Variants in DNAH14 observed in about 807,000 individuals in gnomAD.
DNAH14 encodes axonemal beta dynein heavy chain 14.
DNAH14 carries 478 observed loss-of-function variants against 520.9 expected under a neutral mutation model. The ratio of observed to expected loss-of-function variants is 0.92; its 90% CI spans 0.85 to 0.99. The LOEUF is 0.99. Ranked by LOEUF, DNAH14 falls within the 50% of genes least tolerant of loss-of-function variation. The pLI is 0.00. For missense variants in DNAH14, 4,831 were observed against 5,234.5 expected (o/e 0.92, Z 2.38); for synonymous variants, 1,581 against 1,757.2 (o/e 0.90, Z 2.51).
At chr1:224,938,451 GCTAA>G (rs200211714) in intron 1 of DNAH14, among the ~76,000 whole-genome samples, 14,512 of 152,058 alleles carry the variant, frequency 0.095, 2,215 homozygotes, top group African/African-American at 0.33. Context: ...GTTTGACATT[GCTAA>G]TAATCAAATA....
intron 60 of DNAH14, among the ~76,000 whole-genome samples, chr1:225,314,127 T>C (rs2094422612): frequency 6.6e-6 from 1 of 152,234 alleles, no homozygotes; most frequent in Non-Finnish European, 1.5e-5. Context: ...TGCTCCTGTA[T>C]TGGGTGCATA....
rs1056442461 is a variant in DNAH14, at chr1:225,147,259, G to A, written c.4940+10G>A. Reference sequence around the variant, plus strand: ...ACAACTATTCTGCCAGGTATTTGTCGAATGTGTTTATACCTTTTGAATTGA... The same window carrying A: ...ACAACTATTCTGCCAGGTATTTGTCAAATGTGTTTATACCTTTTGAATTGA... On this transcript the variant is annotated intron_variant, in intron 31 of 85. Coordinates refer to ENST00000682510, the MANE Select transcript of DNAH14 (RefSeq NM_001367479.1). 1.7e-5 allele frequency: 26 copies of A among 1,538,264 alleles called. No individual in the cohort carries two copies. In the East Asian group the frequency reaches 2.2e-4, roughly 13 times the overall value.
intron 3 of DNAH14, among the ~76,000 whole-genome samples, chr1:224,956,538 G>A (rs138634187): frequency 9.9e-5 from 15 of 152,100 alleles, no homozygotes; most frequent in Admixed American, 3.9e-4. Context: ...GTACTAGGCC[G>A]TACCACCTAG....
At chr1:225,008,925 T>C (rs1423818283) in intron 10 of DNAH14, among the ~76,000 whole-genome samples, 7 of 152,186 alleles carry the variant, frequency 4.6e-5, no homozygotes, top group African/African-American at 1.7e-4. Context: ...TGAAAAGTGT[T>C]TGTTCATATC....
In DNAH14 at chr1:225,079,304, T is replaced by C. The variant is rs1403127521; in HGVS notation, c.2522T>C (p.Ile841Thr). Residue 841 changes from isoleucine to threonine, a missense_variant, in exon 18 of 86, where the codon ATA (isoleucine) becomes ACA (threonine). Transcript: ENST00000682510. ...FIFLNAISSKISKLEKEFLTM... is the reference protein window; with the variant it reads ...FIFLNAISSKTSKLEKEFLTM... ...TTTTTGAATGCAATTTCCTCAAAAA[T>C]ATCTAAATTAGAAAAAGAGTTCTTA... is the stretch of plus-strand genomic sequence containing the variant. The C allele has an allele frequency of 6.5e-7, 1 of 1,549,804 alleles. No homozygotes were observed. The highest frequency in any genetic ancestry group is 1.2e-5 in the South Asian group (1 of 83,554).
At chr1:225,322,295 G>T (rs2094573235) in intron 61 of DNAH14, among the ~76,000 whole-genome samples, 1 of 151,566 alleles carries the variant, frequency 6.6e-6, no homozygotes, top group Non-Finnish European at 1.5e-5. Context: ...CGCCATGTTG[G>T]CCAGGCTGGT....
At chr1:225,053,543 G>A (rs1041011999) in intron 17 of DNAH14, among the ~76,000 whole-genome samples, 1 of 152,148 alleles carries the variant, frequency 6.6e-6, no homozygotes, top group African/African-American at 2.4e-5. Context: ...GGGTAAAACA[G>A]GAGGAAAGCT....
intron 21 of DNAH14, among the ~76,000 whole-genome samples, chr1:225,087,516 G>A (rs759714561): frequency 7.2e-5 from 11 of 152,136 alleles, no homozygotes; most frequent in South Asian, 4.1e-4. Context: ...AATGGTTTTC[G>A]GGACACTGGA....
chr1:225,210,725 G>A (rs999274069), intron 41 of DNAH14, among the ~76,000 whole-genome samples: 14 of 152,264 alleles, frequency 9.2e-5, no homozygotes, highest in African/African-American at 2.6e-4. Flanking sequence ...TCCCAGCAGG[G>A]GCCAACAAAC....
chr1:225,232,985 G>A lies in DNAH14; in HGVS notation c.6518+1834G>A, dbSNP rs1056366688. The stretch of plus-strand genomic sequence containing the variant: ...CCACCACCCCAACAGTCCCCAGTGT[G>A]TGTTGTTCCCCTGCCCATGTGTCCA... On this transcript the variant is annotated intron_variant, in intron 42 of 85. Coordinates refer to ENST00000682510, the MANE Select transcript of DNAH14 (RefSeq NM_001367479.1). This position sits in a 1 kb window ranked among gnomAD's most constrained non-coding sequence, Gnocchi z 4.2. Among the ~76,000 whole-genome samples, 8 of 152,090 alleles carry A rather than the reference G, an allele frequency of 5.3e-5. No homozygotes were observed. Among genetic ancestry groups the A allele is most frequent in the African/African-American group, 1.9e-4 (8 of 41,412 alleles).
chr1:225,235,533 T>C (rs916295515), intron 42 of DNAH14, among the ~76,000 whole-genome samples: 1 of 152,140 alleles, frequency 6.6e-6, no homozygotes, highest in Non-Finnish European at 1.5e-5. Context: ...AGTTTTGGTA[T>C]CAGAATAATG....
intron 84 of DNAH14, chr1:225,397,481 C>G (rs1351690413): frequency 6.6e-6 from 1 of 152,558 alleles, no homozygotes; most frequent in Non-Finnish European, 1.5e-5. Context: ...CACCCCTTCT[C>G]TTCAGAGACC....
At chr1:225,073,285 G>T (rs534185108) in intron 17 of DNAH14, among the ~76,000 whole-genome samples, 1 of 151,938 alleles carries the variant, frequency 6.6e-6, no homozygotes, top group Non-Finnish European at 1.5e-5. Flanking sequence ...TCTAAAGCCC[G>T]AAGGCTGGTA....
intron 19 of DNAH14, 135 bp from the exon 20 acceptor site, chr1:225,082,414 T>TATTTTA: frequency 1.6e-6 from 1 of 628,790 alleles, no homozygotes; most frequent in Non-Finnish European, 2.6e-6. Context: ...TGCTTCATGT[T>TATTTTA]ATTTTAATGT....
intron 41 of DNAH14, among the ~76,000 whole-genome samples, chr1:225,212,093 TCC>T (rs1365817259): frequency 8.0e-6 from 1 of 124,602 alleles, no homozygotes; most frequent in Admixed American, 9.6e-5. Flanking sequence ...TGTGTAATGT[TCC>T]CCACCCTGTG....
chr1:225,168,634 G>A (rs1451250540), intron 36 of DNAH14, among the ~76,000 whole-genome samples: 1 of 152,210 alleles, frequency 6.6e-6, no homozygotes, highest in African/African-American at 2.4e-5. Context: ...GGCTTGAGCA[G>A]GTAAACAAAG....
At chr1:224,986,161 A>G (rs1002695316) in intron 8 of DNAH14, among the ~76,000 whole-genome samples, 1 of 152,060 alleles carries the variant, frequency 6.6e-6, no homozygotes. Flanking sequence ...AGAAAACCTT[A>G]GGACCTGATG....
intron 68 of DNAH14, 94 bp downstream of exon 68, chr1:225,338,276 A>G: frequency 2.1e-6 from 3 of 1,411,198 alleles, no homozygotes; most frequent in Non-Finnish European, 2.9e-6. Context: ...AAGCTTCTAC[A>G]TGGAGGAAAA....
At chr1:225,004,507 A>G (rs958816475) in intron 9 of DNAH14, among the ~76,000 whole-genome samples, 2 of 152,164 alleles carry the variant, frequency 1.3e-5, no homozygotes, top group Non-Finnish European at 2.9e-5. Context: ...AAGGCATTCA[A>G]TATATATTTG....
Sources: allele counts gnomAD v4.1 joint callset (sites outside exome capture counted in the v4.1 genomes callset), GRCh38; gene constraint gnomAD v4.1.1; non-coding constraint Gnocchi (gnomAD v3.1); transcripts MANE v1.5; gene names NCBI Gene and HGNC (gene_info 2026-07-23, HGNC 2026-07-21).